Variants in CCDC85A observed in about 807,000 individuals in gnomAD.
The protein encoded by CCDC85A is coiled-coil domain-containing protein 85A.
CCDC85A carries 38 observed loss-of-function variants against 50.2 expected under a neutral mutation model. The ratio of observed to expected loss-of-function variants is 0.76; its 90% CI spans 0.58 to 0.99. The LOEUF is 0.99. Among genes scored for constraint, CCDC85A ranks in the 50% least tolerant of loss-of-function variants. CCDC85A has a pLI of 0.00. For missense variants in CCDC85A, 820 were observed against 742.0 expected (o/e 1.11, Z -1.22); for synonymous variants, 366 against 301.4 (o/e 1.21, Z -2.22).
chr2:56,341,569 T>C (rs901737221), intron 2 of CCDC85A, among the ~76,000 whole-genome samples: 6 of 152,224 alleles, frequency 3.9e-5, no homozygotes, highest in African/African-American at 7.2e-5. Context: ...TTGAATATTT[T>C]CACTTTAATG....
chr2:56,373,689 C>G (rs887169940), intron 4 of CCDC85A, among the ~76,000 whole-genome samples: 1 of 152,150 alleles, frequency 6.6e-6, no homozygotes, highest in Non-Finnish European at 1.5e-5. Flanking sequence ...TTATTGCCTT[C>G]TAAATTAGAG....
At chr2:56,350,691 C>G (rs1189955458) in intron 3 of CCDC85A, among the ~76,000 whole-genome samples, 3 of 150,864 alleles carry the variant, frequency 2.0e-5, no homozygotes, top group African/African-American at 7.3e-5. Flanking sequence ...ACATCTCTGA[C>G]TAATGGAAAA....
intron 2 of CCDC85A, among the ~76,000 whole-genome samples, chr2:56,331,797 C>T (rs1673812501): frequency 6.6e-6 from 1 of 152,208 alleles, no homozygotes; most frequent in South Asian, 2.1e-4. Flanking sequence ...TCAAACCCTT[C>T]CTGGAAAATG....
chr2:56,286,819 T>C (rs964717728), intron 2 of CCDC85A, among the ~76,000 whole-genome samples: 2 of 152,228 alleles, frequency 1.3e-5, no homozygotes, highest in Non-Finnish European at 2.9e-5. Flanking sequence ...GTAGGGAATC[T>C]GGGGTATGTT....
chr2:56,294,993 C>A (rs1404530731), intron 2 of CCDC85A, among the ~76,000 whole-genome samples: 2 of 152,124 alleles, frequency 1.3e-5, no homozygotes, highest in African/African-American at 4.8e-5. Context: ...GAACTAAAGT[C>A]ATTGAATTGT....
At chr2:56,216,743 T>A (rs1409920442) in intron 2 of CCDC85A, among the ~76,000 whole-genome samples, 1 of 151,710 alleles carries the variant, frequency 6.6e-6, no homozygotes, top group Non-Finnish European at 1.5e-5. Flanking sequence ...TTATCTTTTT[T>A]TTTTTTTGAG....
chr2:56,252,291 C>G (rs561612739), intron 2 of CCDC85A, among the ~76,000 whole-genome samples: 1 of 152,146 alleles, frequency 6.6e-6, no homozygotes, highest in Non-Finnish European at 1.5e-5. Context: ...TGTGATCCAC[C>G]TGCCTCGGCC....
intron 2 of CCDC85A, among the ~76,000 whole-genome samples, chr2:56,331,223 G>A (rs762500649): frequency 3.9e-5 from 6 of 152,048 alleles, no homozygotes; most frequent in Admixed American, 6.6e-5. Flanking sequence ...ATTGGAGACT[G>A]GGGAGGATAG....
Position 56,192,771 on chromosome 2 carries a change from G to T in CCDC85A, c.571G>T (p.Ala191Ser), listed in dbSNP as rs754467845. The T allele has an allele frequency of 2.5e-6, 4 of 1,612,496 alleles. No homozygotes were observed. Among genetic ancestry groups the T allele is most frequent in the Non-Finnish European group, 3.4e-6 (4 of 1,179,494 alleles). ...CAGCCGCTGCTCCATCGACAGCCAGGCCAGCCTGTGCCAACTCACAGCCTC... is the reference window on the plus strand; with the variant it reads ...CAGCCGCTGCTCCATCGACAGCCAGTCCAGCCTGTGCCAACTCACAGCCTC... Reference protein sequence around the residue: ...AGSRCSIDSQASLCQLTASTA... With the variant: ...AGSRCSIDSQSSLCQLTASTA... Residue 191 changes from alanine (A) to serine (S), a missense_variant, in exon 2 of 6, where the codon GCC becomes TCC. Physicochemically the swap from Ala to Ser is moderately conservative, Grantham distance 99. Transcript: ENST00000407595. The surrounding 1 kb of genome is among the most constrained non-coding windows in gnomAD (Gnocchi z 4.7).
chr2:56,372,362 C>T lies in CCDC85A; in HGVS notation c.1336C>T (p.Gln446Ter), dbSNP rs1489451247. 1 of 1,583,504 alleles carries T rather than the reference C, an allele frequency of 6.3e-7. No individual in the cohort carries two copies. The highest frequency in any genetic ancestry group is 8.6e-7 in the Non-Finnish European group (1 of 1,164,238). ...MLPQASQNRR[Q>*]PPTRNSSNME... Reference sequence around the variant, plus strand: ...ATATAAGGCCAGCCAGAATAGAAGGCAACCTCCAACTAGAAACAGCTCAAA... The same window carrying T: ...ATATAAGGCCAGCCAGAATAGAAGGTAACCTCCAACTAGAAACAGCTCAAA... The change falls in exon 4 of 6, where the codon CAA becomes TAA. Residue 446 changes from glutamine to a stop codon, truncating the protein, a stop_gained. Coordinates refer to ENST00000407595, the MANE Select transcript of CCDC85A (RefSeq NM_001080433.2). LOFTEE classifies it high-confidence loss of function.
At chr2:56,246,379 T>C (rs1425532740) in intron 2 of CCDC85A, among the ~76,000 whole-genome samples, 1 of 152,214 alleles carries the variant, frequency 6.6e-6, no homozygotes, top group African/African-American at 2.4e-5. Flanking sequence ...AAACATTTTT[T>C]GGTGAAATCC....
At chr2:56,239,084 A>G (rs968292845) in intron 2 of CCDC85A, among the ~76,000 whole-genome samples, 11 of 152,072 alleles carry the variant, frequency 7.2e-5, no homozygotes, top group African/African-American at 2.4e-4. Context: ...TTCCTCTCCC[A>G]AGTGCACTGA....
At chr2:56,303,581 T>A (rs958203681) in intron 2 of CCDC85A, among the ~76,000 whole-genome samples, 6 of 152,068 alleles carry the variant, frequency 3.9e-5, no homozygotes, top group South Asian at 2.1e-4. Flanking sequence ...AGGATAGTAA[T>A]TGCTGTGAGT....
chr2:56,257,065 A>G (rs890140995), intron 2 of CCDC85A, among the ~76,000 whole-genome samples: 1 of 152,210 alleles, frequency 6.6e-6, no homozygotes, highest in Non-Finnish European at 1.5e-5. Flanking sequence ...CTCACTCTCC[A>G]TGGCTCAGTG....
intron 2 of CCDC85A, among the ~76,000 whole-genome samples, chr2:56,304,473 G>A (rs1171884693): frequency 6.6e-6 from 1 of 152,150 alleles, no homozygotes; most frequent in Non-Finnish European, 1.5e-5. Flanking sequence ...GGGCCAAGTA[G>A]ACTTAATTAT....
intron 2 of CCDC85A, among the ~76,000 whole-genome samples, chr2:56,295,141 T>A (rs963306881): frequency 5.9e-5 from 9 of 152,128 alleles, no homozygotes; most frequent in African/African-American, 1.2e-4. Context: ...GATTTTTTTT[T>A]AATTTTAATG....
At chr2:56,275,452 TACACCAGCTATTTAACATCATATAGACC>T (rs374996219) in intron 2 of CCDC85A, among the ~76,000 whole-genome samples, 2 of 66,650 alleles carry the variant, frequency 3.0e-5, no homozygotes, top group South Asian at 8.5e-4. Flanking sequence ...GAGAATCAGT[TACACCAGCTATTTAACATCATATAGACC>T]TTACACCAGC....
chr2:56,311,809 A>G (rs1672704725), intron 2 of CCDC85A, among the ~76,000 whole-genome samples: 1 of 152,144 alleles, frequency 6.6e-6, no homozygotes, highest in South Asian at 2.1e-4. Flanking sequence ...CCATCGGTGC[A>G]GGGATTCAGG....
intron 4 of CCDC85A, among the ~76,000 whole-genome samples, chr2:56,372,786 A>T (rs1335622494): frequency 6.6e-6 from 1 of 152,192 alleles, no homozygotes; most frequent in Non-Finnish European, 1.5e-5. Flanking sequence ...ATGTCTCTAG[A>T]CAAGCTCAGA....
Sources: allele counts gnomAD v4.1 joint callset (sites outside exome capture counted in the v4.1 genomes callset), GRCh38; gene constraint gnomAD v4.1.1; non-coding constraint Gnocchi (gnomAD v3.1); transcripts MANE v1.5; gene names NCBI Gene and HGNC (gene_info 2026-07-23, HGNC 2026-07-21).